The following MAD1L1 variants were observed in gnomAD, a reference collection of about 807,000 sequenced individuals.
MAD1L1 encodes the protein mitotic arrest deficient 1 like 1.
MAD1L1 carries 95 observed loss-of-function variants against 96.9 expected under a neutral mutation model. That is an observed-to-expected ratio of 0.98 (90% CI 0.83 to 1.16). MAD1L1 has a LOEUF of 1.16. Among genes scored for constraint, MAD1L1 ranks in the 50% most tolerant of loss-of-function variants. The pLI is 0.00. For synonymous variants in MAD1L1, 473 were observed against 396.6 expected (o/e 1.19, Z -2.29); for missense variants, 1,007 against 954.4 (o/e 1.06, Z -0.73).
At chr7:1,860,807 G>A (rs902452327) in intron 18 of MAD1L1, among the ~76,000 whole-genome samples, 4 of 152,216 alleles carry the variant, frequency 2.6e-5, no homozygotes, top group Non-Finnish European at 5.9e-5. Context: ...GGGATGCCGT[G>A]AGCATCCCGA....
intron 10 of MAD1L1, 81 bp downstream of exon 10, chr7:2,213,131 G>C: frequency 2.7e-6 from 4 of 1,461,902 alleles, no homozygotes; most frequent in Non-Finnish European, 3.8e-6. Context: ...AGACTGCGCT[G>C]GTGAGCCGGA....
chr7:2,175,397 G>A (rs948796247), intron 10 of MAD1L1: 5 of 148,100 alleles, frequency 3.4e-5, no homozygotes, highest in Non-Finnish European at 7.4e-5. Context: ...GTTTTCTCAA[G>A]TCAGCTAAGT....
At chr7:2,099,293 A>AC (rs1786657828) in intron 11 of MAD1L1, among the ~76,000 whole-genome samples, 1 of 152,212 alleles carries the variant, frequency 6.6e-6, no homozygotes, top group Admixed American at 6.5e-5. Context: ...CGCCCGGCCC[A>AC]CTGTGGAGGG....
At chr7:2,032,307 C>T (rs1783263043) in intron 12 of MAD1L1, among the ~76,000 whole-genome samples, 4 of 152,082 alleles carry the variant, frequency 2.6e-5, no homozygotes, top group Admixed American at 2.6e-4. Flanking sequence ...GACAAGGCTC[C>T]AGGGGAAGGC....
At chr7:1,897,836 A>T (rs750598462) in intron 18 of MAD1L1, among the ~76,000 whole-genome samples, 1 of 152,140 alleles carries the variant, frequency 6.6e-6, no homozygotes, top group Non-Finnish European at 1.5e-5. Flanking sequence ...CCCCGGCCCC[A>T]CACGGACTTC....
chr7:2,071,344 C>T (rs538849001), intron 11 of MAD1L1, among the ~76,000 whole-genome samples: 136 of 152,368 alleles, frequency 8.9e-4, no homozygotes, highest in African/African-American at 1.7e-3. Context: ...CACCCTCAGC[C>T]GGCCCCAGCA....
chr7:1,864,287 A>G (rs1400032507), intron 18 of MAD1L1, among the ~76,000 whole-genome samples: 2 of 152,132 alleles, frequency 1.3e-5, no homozygotes, highest in African/African-American at 2.4e-5. Context: ...TGCAGGGCTC[A>G]TGGCCTGTCT....
At chr7:2,116,616 G>A (rs1562703034) in intron 11 of MAD1L1, among the ~76,000 whole-genome samples, 1 of 151,748 alleles carries the variant, frequency 6.6e-6, no homozygotes, top group Non-Finnish European at 1.5e-5. Context: ...GGAGGTGGCG[G>A]TCAGCGGAAA....
chr7:1,915,325 G>A lies in MAD1L1; in HGVS notation c.1808-16935C>T, dbSNP rs552406472. On this transcript the variant is annotated intron_variant, in intron 17 of 18. Transcript: ENST00000265854. ...GCCGGGAGGGACGGGGAGATGGGAG[G>A]GGGAGGGCTGCGGTCCGAAAAGGCG... Among the ~76,000 whole-genome samples the A allele has an allele frequency of 7.3e-4, 111 of 152,320 alleles. 1 individual carries two copies. Among genetic ancestry groups the A allele is most frequent in the Middle Eastern group, 3.4e-3 (1 of 294 alleles).
chr7:1,884,759 C>T (rs1051391410), intron 18 of MAD1L1, among the ~76,000 whole-genome samples: 17 of 152,214 alleles, frequency 1.1e-4, no homozygotes, highest in Non-Finnish European at 2.2e-4. Flanking sequence ...AGGCCCCCAG[C>T]CCAGGCCTCC....
intron 18 of MAD1L1, among the ~76,000 whole-genome samples, chr7:1,838,221 A>G (rs542361104): frequency 1.3e-5 from 2 of 152,350 alleles, no homozygotes; most frequent in African/African-American, 4.8e-5. Flanking sequence ...TCATAAAAGC[A>G]GACAGTGGCG....
chr7:1,917,309 G>A (rs57946748), intron 17 of MAD1L1, among the ~76,000 whole-genome samples: 2,119 of 152,284 alleles, frequency 0.014, 55 homozygotes, highest in African/African-American at 0.047. Context: ...CCCTGCACAC[G>A]TGCGCTGTGC....
At chr7:1,883,898 A>T (rs900991151) in intron 18 of MAD1L1, among the ~76,000 whole-genome samples, 1 of 152,216 alleles carries the variant, frequency 6.6e-6, no homozygotes, top group Non-Finnish European at 1.5e-5. Context: ...AGACCCTGAC[A>T]CACGGTCAGG....
intron 12 of MAD1L1, among the ~76,000 whole-genome samples, chr7:2,029,273 T>A (rs914918619): frequency 1.3e-5 from 2 of 152,102 alleles, no homozygotes; most frequent in Non-Finnish European, 2.9e-5. Context: ...GATATACCCA[T>A]AAGATAGAAA....
At chr7:1,888,542 G>A (rs960414970) in intron 18 of MAD1L1, among the ~76,000 whole-genome samples, 4 of 21,712 alleles carry the variant, frequency 1.8e-4, no homozygotes, top group Non-Finnish European at 3.5e-4. Flanking sequence ...TTGCCTGTGC[G>A]TGTGTGTGAG....
chr7:1,928,504 T>C (rs1393356804), intron 17 of MAD1L1, among the ~76,000 whole-genome samples: 1 of 152,206 alleles, frequency 6.6e-6, no homozygotes, highest in Non-Finnish European at 1.5e-5. Context: ...CCCCATGACC[T>C]GCAGGTCCCT....
Position 2,215,908 on chromosome 7 carries a change from C to A in MAD1L1, c.901G>T (p.Val301Phe), listed in dbSNP as rs761308121. 6.8e-6 allele frequency: 11 copies of A among 1,614,218 alleles called. No homozygotes were observed. The highest frequency in any genetic ancestry group is 9.3e-6 in the Non-Finnish European group (11 of 1,180,032). Residue 301 changes from valine (V) to phenylalanine (F), a missense_variant, in exon 9 of 19, where the codon GTT (valine) becomes TTT (phenylalanine). Physicochemically the swap from Val to Phe is conservative, Grantham distance 50. Transcript: ENST00000265854. Reference protein sequence around the residue: ...GRQEKMQETLVGLELENERLL... With the variant: ...GRQEKMQETLFGLELENERLL... ...ACCTCGTTCTCCAGCTCCAAGCCAA[C>A]CAGCGTCTCCTGCATCTTCTCCTGG... is the stretch of plus-strand genomic sequence containing the variant.
chr7:1,898,218 G>A lies in MAD1L1; in HGVS notation c.1980C>T (p.Gly660=), dbSNP rs369788517. The change falls in exon 18 of 19, where the codon GGC becomes GGT. Residue 660 remains glycine (G), a synonymous_variant. Transcript: ENST00000265854. ...RLTSLYAEHP[G]DCLIFKATSP... The stretch of plus-strand genomic sequence containing the variant: ...GACCCACCTTGAAGATGAGGCAGTC[G>A]CCTGGGTGCTCGGCGTACAGCGAGG... 46 of 1,612,032 alleles carry A rather than the reference G, an allele frequency of 2.9e-5. No individual in the cohort carries two copies. The highest frequency in any genetic ancestry group is 1.6e-4 in the African/African-American group (12 of 75,014).
intron 5 of MAD1L1, among the ~76,000 whole-genome samples, chr7:2,219,864 G>A (rs1027438049): frequency 1.3e-5 from 2 of 152,150 alleles, no homozygotes; most frequent in African/African-American, 4.8e-5. Flanking sequence ...GCCCCAGCCA[G>A]GGGCCCTGGA....
Sources: gnomAD v4.1 joint callset for allele counts (sites outside exome capture counted in the v4.1 genomes callset) on GRCh38, gnomAD v4.1.1 for gene constraint, MANE v1.5 for transcripts, NCBI Gene and HGNC (gene_info 2026-07-23, HGNC 2026-07-21) for gene names.